MEI4: variants seen among roughly 807,000 people sequenced by gnomAD.
MEI4 encodes the protein meiosis-specific protein MEI4.
Under a neutral mutation model 31.4 loss-of-function variants are expected in MEI4, and 27 were observed. The ratio of observed to expected loss-of-function variants is 0.86; its 90% CI spans 0.63 to 1.19. The LOEUF (loss-of-function observed/expected upper bound fraction) is 1.19, where lower values mean the gene tolerates loss of function less well. Among genes scored for constraint, MEI4 ranks in the 50% most tolerant of loss-of-function variants. The probability of loss-of-function intolerance (pLI) is 0.00; values close to 1 mark genes in which losing one functional copy is unlikely to be tolerated. For synonymous variants in MEI4, 122 were observed against 145.4 expected, an observed-to-expected ratio of 0.84 and a Z score of 1.16; for missense variants, 329 against 398.9, an observed-to-expected ratio of 0.82 and a Z score of 1.49.
At chr6:77,754,316 C>T (rs6454001) in intron 2 of MEI4, among the ~76,000 whole-genome samples, 21,000 of 152,136 alleles carry the variant, frequency 0.14, 1,536 homozygotes, top group Middle Eastern at 0.21. Flanking sequence ...AAGATCTCTA[C>T]GGCAGAGGCA....
In MEI4 at chr6:77,881,820, CTT is replaced by C. The variant is rs562464294; in HGVS notation, c.901-41268_901-41267del. Among the ~76,000 whole-genome samples the C allele has an allele frequency of 2.0e-4, 31 of 152,184 alleles. No individual in the cohort carries two copies. The East Asian group carries it at 5.8e-3, about 28-fold the overall frequency. On this transcript the variant is annotated intron_variant, in intron 4 of 4. Coordinates refer to ENST00000684080, the MANE Select transcript of MEI4 (RefSeq NM_001322247.2). Reference sequence around the variant, plus strand: ...AAAGTGTGAAATATAAGGGGAAAGTCTTGTGAAATTTATTTTATATTTTTTGT... The same window carrying C: ...AAAGTGTGAAATATAAGGGGAAAGTCGTGAAATTTATTTTATATTTTTTGT...
intron 4 of MEI4, among the ~76,000 whole-genome samples, chr6:77,915,898 A>G (rs1394131814): frequency 6.6e-6 from 1 of 151,960 alleles, no homozygotes; most frequent in Non-Finnish European, 1.5e-5. Context: ...TGGAAATTCA[A>G]ATATTTGTTT....
At chr6:77,913,767 G>C (rs1766481977) in intron 4 of MEI4, among the ~76,000 whole-genome samples, 2 of 150,842 alleles carry the variant, frequency 1.3e-5, no homozygotes, top group South Asian at 2.1e-4. Context: ...GGGCACGGTG[G>C]CTCACTCCTG....
chr6:77,682,550 C>A (rs979465325), intron 1 of MEI4, among the ~76,000 whole-genome samples: 6 of 152,102 alleles, frequency 3.9e-5, no homozygotes, highest in Non-Finnish European at 8.8e-5. Context: ...ATTAAGTTCC[C>A]TTCAGAACCT....
chr6:77,809,131 T>G (rs570899800), intron 3 of MEI4, among the ~76,000 whole-genome samples: 3 of 152,344 alleles, frequency 2.0e-5, no homozygotes, highest in Admixed American at 6.5e-5. Flanking sequence ...TGACATTTGT[T>G]TATTTACTTA....
chr6:77,874,781 T>C (rs1184922983), intron 4 of MEI4, among the ~76,000 whole-genome samples: 3 of 152,184 alleles, frequency 2.0e-5, no homozygotes, highest in Non-Finnish European at 4.4e-5. Flanking sequence ...ATATGTCCCA[T>C]CAGTACCTAA....
At chr6:77,877,715 C>CTTTTT (rs56798153) in intron 4 of MEI4, among the ~76,000 whole-genome samples, 2 of 125,898 alleles carry the variant, frequency 1.6e-5, no homozygotes, top group Non-Finnish European at 3.3e-5. Context: ...AGCAGTCAGC[C>CTTTTT]TTTTTTTTTT....
At chr6:77,851,178 C>T (rs1770609408) in intron 4 of MEI4, among the ~76,000 whole-genome samples, 1 of 152,146 alleles carries the variant, frequency 6.6e-6, no homozygotes, top group Non-Finnish European at 1.5e-5. Flanking sequence ...AACACTTTTA[C>T]ACTGTTGGTG....
chr6:77,695,780 G>GT (rs1217596794), intron 2 of MEI4, among the ~76,000 whole-genome samples: 1 of 152,152 alleles, frequency 6.6e-6, no homozygotes, highest in Non-Finnish European at 1.5e-5. Flanking sequence ...CTTGAAAGTA[G>GT]TTTTTTCCAA....
chr6:77,701,998 T>A (rs1237549252), intron 2 of MEI4, among the ~76,000 whole-genome samples: 1 of 152,174 alleles, frequency 6.6e-6, no homozygotes, highest in Non-Finnish European at 1.5e-5. Context: ...CCTTATAGCC[T>A]GAGGACTGAA....
chr6:77,813,265 G>A (rs912333727), intron 3 of MEI4, among the ~76,000 whole-genome samples: 2 of 152,030 alleles, frequency 1.3e-5, no homozygotes, highest in Admixed American at 6.6e-5. Context: ...TCAGTTCTTA[G>A]TGACTGCAGC....
chr6:77,906,018 G>A (rs544432670), intron 4 of MEI4, among the ~76,000 whole-genome samples: 15 of 151,432 alleles, frequency 9.9e-5, no homozygotes, highest in Admixed American at 4.6e-4. Context: ...TTTCAGCCCC[G>A]GAATTTTCCT....
At chr6:77,750,863 A>G (rs960435532) in intron 2 of MEI4, among the ~76,000 whole-genome samples, 1 of 152,192 alleles carries the variant, frequency 6.6e-6, no homozygotes, top group Non-Finnish European at 1.5e-5. Context: ...TTGACCACAT[A>G]ATTGGAAGTA....
intron 1 of MEI4, among the ~76,000 whole-genome samples, chr6:77,682,100 C>T (rs73762809): frequency 0.023 from 3,506 of 152,276 alleles, 136 homozygotes; most frequent in African/African-American, 0.079. Flanking sequence ...TCTCAAAAGT[C>T]TTGTAATTTC....
At chr6:77,757,905 C>T (rs1209106583) in intron 2 of MEI4, among the ~76,000 whole-genome samples, 1 of 151,938 alleles carries the variant, frequency 6.6e-6, no homozygotes, top group Non-Finnish European at 1.5e-5. Context: ...TGCCTGTAAT[C>T]CCAGCACTTT....
chr6:77,791,766 C>A (rs1768943263), intron 3 of MEI4, among the ~76,000 whole-genome samples: 1 of 151,558 alleles, frequency 6.6e-6, no homozygotes, highest in South Asian at 2.1e-4. Flanking sequence ...TGTACCATAC[C>A]TTTTTTGGTG....
intron 3 of MEI4, among the ~76,000 whole-genome samples, chr6:77,816,766 T>C (rs541308727): frequency 1.3e-5 from 2 of 152,346 alleles, no homozygotes; most frequent in Admixed American, 6.5e-5. Flanking sequence ...AATGCCTGAC[T>C]TGTATGTTAC....
chr6:77,921,413 A>G (rs921160012), intron 4 of MEI4, among the ~76,000 whole-genome samples: 4 of 151,604 alleles, frequency 2.6e-5, no homozygotes, highest in African/African-American at 4.8e-5. Flanking sequence ...GAATATTGTG[A>G]TTGGTTTGGT....
In MEI4 at chr6:77,761,390, G is replaced by C; in HGVS notation, c.493G>C (p.Glu165Gln). The change falls in exon 3 of 5, where the codon GAA (glutamate) becomes CAA (glutamine). Residue 165 changes from glutamate to glutamine, a missense_variant. Coordinates refer to ENST00000684080, the MANE Select transcript of MEI4 (RefSeq NM_001322247.2). ...TCTACTTGAATTAAAGAACTTGACAGAATCAGGTAATCTTAAAAGAGACTT... is the reference window on the plus strand; with the variant it reads ...TCTACTTGAATTAAAGAACTTGACACAATCAGGTAATCTTAAAAGAGACTT... ...QYLLELKNLT[E>Q]SGNLKRDLTH... 1.6e-6 allele frequency: 2 copies of C among 1,232,200 alleles called. No homozygotes were observed. The highest frequency in any genetic ancestry group is 2.0e-6 in the Non-Finnish European group (2 of 987,970). 76.3% of individuals were successfully genotyped at this position (1,232,200 alleles called of 1,614,324 possible).
Sources: gnomAD v4.1 joint callset for allele counts (sites outside exome capture counted in the v4.1 genomes callset) on GRCh38, gnomAD v4.1.1 for gene constraint, MANE v1.5 for transcripts, NCBI Gene and HGNC (gene_info 2026-07-23, HGNC 2026-07-21) for gene names.